ATIC: variants seen among roughly 807,000 people sequenced by gnomAD.
The protein encoded by ATIC is bifunctional purine biosynthesis protein ATIC.
A neutral mutation model predicts 72.5 loss-of-function variants in ATIC; 64 were observed. The ratio of observed to expected loss-of-function variants is 0.88; its 90% CI spans 0.72 to 1.09. The LOEUF is 1.09. Among genes scored for constraint, ATIC ranks in the 50% least tolerant of loss-of-function variants. ATIC has a pLI of 0.00. For synonymous variants in ATIC, 281 were observed against 267.1 expected (o/e 1.05, Z -0.51); for missense variants, 787 against 732.4 (o/e 1.07, Z -0.86).
the ATIC span, among the ~76,000 whole-genome samples, chr2:215,357,815 A>G: frequency 6.0e-5 from 9 of 149,354 alleles, no homozygotes; most frequent in East Asian, 1.7e-3. Flanking sequence ...TAATCTTTAA[A>G]TGTTTCCAAA....
chr2:215,364,981 C>T, the ATIC span: 2 of 1,566,532 alleles, frequency 1.3e-6, no homozygotes, highest in African/African-American at 1.3e-5. Context: ...AACACGTTGC[C>T]TCATCTGCAT....
chr2:215,323,365 T>C (rs2052790594), intron 4 of ATIC, among the ~76,000 whole-genome samples: 1 of 152,162 alleles, frequency 6.6e-6, no homozygotes, highest in African/African-American at 2.4e-5. Flanking sequence ...TTTTCATAGG[T>C]ATTGTGTTGA....
At chr2:215,352,144 A>T (rs1448577777), downstream of ATIC, among the ~76,000 whole-genome samples, 1 of 152,188 alleles carries the variant, frequency 6.6e-6, no homozygotes, top group Non-Finnish European at 1.5e-5. Context: ...CATTAGGTAA[A>T]AACTAAGAAA....
At chr2:215,367,231 T>C in the ATIC span, among the ~76,000 whole-genome samples, 1 of 152,194 alleles carries the variant, frequency 6.6e-6, no homozygotes, top group African/African-American at 2.4e-5. Context: ...ATAATAGATA[T>C]TTCCTAGGCA....
chr2:215,332,143 TGTGTGTGTGTG>T (rs2052901822), intron 7 of ATIC, among the ~76,000 whole-genome samples: 1 of 63,254 alleles, frequency 1.6e-5, no homozygotes, highest in Non-Finnish European at 4.0e-5. Flanking sequence ...TGTGTGTGTG[TGTGTGTGTGTG>T]TGTGTGTGTG....
chr2:215,344,319 G>T (rs1308683273), intron 12 of ATIC, among the ~76,000 whole-genome samples: 2 of 152,138 alleles, frequency 1.3e-5, no homozygotes, highest in Non-Finnish European at 2.9e-5. Context: ...TAGTGTGTAG[G>T]AGAACAGTTA....
intron 3 of ATIC, among the ~76,000 whole-genome samples, chr2:215,318,443 T>A (rs1575113424): frequency 6.6e-6 from 1 of 152,370 alleles, no homozygotes; most frequent in East Asian, 1.9e-4. Context: ...ATTGTTTTCC[T>A]CTGCTTGCTA....
At chr2:215,362,285 GTC>G in the ATIC span, 2 of 575,958 alleles carry the variant, frequency 3.5e-6, no homozygotes, top group Non-Finnish European at 6.3e-6. Flanking sequence ...ACCTACATCT[GTC>G]TCTCTATGTT....
chr2:215,364,056 C>T, the ATIC span, among the ~76,000 whole-genome samples: 1 of 152,210 alleles, frequency 6.6e-6, no homozygotes, highest in African/African-American at 2.4e-5. Context: ...TCAGCCAGTT[C>T]ATGCTTCTCT....
chr2:215,348,263 A>C (rs1415714403), intron 14 of ATIC, among the ~76,000 whole-genome samples: 1 of 152,180 alleles, frequency 6.6e-6, no homozygotes, highest in African/African-American at 2.4e-5. Flanking sequence ...ATTTAGAATA[A>C]TTTTTGTATA....
downstream of ATIC, among the ~76,000 whole-genome samples, chr2:215,354,663 C>A (rs974353502): frequency 2.0e-5 from 3 of 151,806 alleles, no homozygotes; most frequent in Admixed American, 6.6e-5. Flanking sequence ...TCTATTGAGC[C>A]CTTTATTTCA....
In ATIC at chr2:215,318,211, T is replaced by A; in HGVS notation, c.201T>A (p.Thr67=). ...AAATGTTGGGGGGACGTGTGAAAAC[T>A]TTGCATCCTGCAGTCCATGCTGGTA... ...FPEMLGGRVK[T]LHPAVHAGIL... The change falls in exon 3 of 16, where the codon ACT becomes ACA. Residue 67 remains threonine (T), a synonymous_variant. Transcript: ENST00000236959. 1 of 1,614,116 alleles carries A rather than the reference T, an allele frequency of 6.2e-7. No individual in the cohort carries two copies. Among genetic ancestry groups the A allele is most frequent in the Non-Finnish European group, 8.5e-7 (1 of 1,179,980 alleles).
chr2:215,349,708 C>T lies in ATIC; in HGVS notation c.*53C>T. ...CTTATGTGTAGGTGAACAGTCACGCCTGAAACTTTGAGGATAACTTTTTAA... is the reference window on the plus strand; with the variant it reads ...CTTATGTGTAGGTGAACAGTCACGCTTGAAACTTTGAGGATAACTTTTTAA... On this transcript the variant is annotated 3_prime_UTR_variant, in exon 16 of 16. Coordinates refer to ENST00000236959, the MANE Select transcript of ATIC (RefSeq NM_004044.7). 6.2e-7 allele frequency: 1 copy of T among 1,613,758 alleles called. No individual in the cohort carries two copies. The highest frequency in any genetic ancestry group is 8.5e-7 in the Non-Finnish European group (1 of 1,179,694).
At position 215,338,954 on chromosome 2, in the gene ATIC, C is replaced by G. The variant is rs748000114; in HGVS notation, c.1227+47C>G. The G allele has an allele frequency of 6.8e-6, 11 of 1,607,376 alleles. No individual in the cohort carries two copies. In the East Asian group the frequency reaches 2.5e-4, roughly 36 times the overall value. On this transcript the variant is annotated intron_variant, in intron 12 of 15. Transcript: ENST00000236959. ...CTGACTGCTAGTAACTTCCATTGGT[C>G]TGTTTTCAATACTTAATGAGCTTTA...
chr2:215,349,618 T>A lies in ATIC; in HGVS notation c.1742T>A (p.Ile581Asn), dbSNP rs777774212. Reference protein sequence around the residue: ...VIEACDELGIILAHTNLRLFH... With the variant: ...VIEACDELGINLAHTNLRLFH... ...GAGGCCTGCGACGAACTGGGAATCA[T>A]CCTCGCTCATACGAACCTTCGGCTC... The change falls in exon 16 of 16, where the codon ATC (isoleucine) becomes AAC (asparagine). Residue 581 changes from isoleucine (I) to asparagine (N), a missense_variant. By Grantham distance (149) the Ile-to-Asn change is moderately radical. Coordinates refer to ENST00000236959, the MANE Select transcript of ATIC (RefSeq NM_004044.7). 1 of 1,614,164 alleles carries A rather than the reference T, an allele frequency of 6.2e-7. No individual in the cohort carries two copies. Among genetic ancestry groups the A allele is most frequent in the Non-Finnish European group, 8.5e-7 (1 of 1,180,034 alleles).
At chr2:215,312,809 C>A (rs1257241775) in intron 2 of ATIC, among the ~76,000 whole-genome samples, 185 bp downstream of exon 2, 1 of 152,100 alleles carries the variant, frequency 6.6e-6, no homozygotes, top group African/African-American at 2.4e-5. Context: ...ACTTTTAAGA[C>A]CCTGGACGGC....
chr2:215,322,584 G>T (rs1424869935), intron 4 of ATIC, among the ~76,000 whole-genome samples: 1 of 151,910 alleles, frequency 6.6e-6, no homozygotes, highest in East Asian at 1.9e-4. Flanking sequence ...CACCTGCCTC[G>T]GTCTCCCAAA....
the ATIC span, among the ~76,000 whole-genome samples, chr2:215,357,632 G>A: frequency 6.6e-6 from 1 of 152,130 alleles, no homozygotes; most frequent in Admixed American, 6.5e-5. Context: ...TTCTTCATTT[G>A]TAATTTATAT....
intron 7 of ATIC, 40 bp downstream of exon 7, chr2:215,327,018 G>A: frequency 6.2e-7 from 1 of 1,613,538 alleles, no homozygotes; most frequent in Non-Finnish European, 8.5e-7. Flanking sequence ...TGCTGTGCCT[G>A]GAGAGTGTGT....
Sources: allele counts gnomAD v4.1 joint callset (sites outside exome capture counted in the v4.1 genomes callset), GRCh38; gene constraint gnomAD v4.1.1; transcripts MANE v1.5; gene names NCBI Gene and HGNC (gene_info 2026-07-23, HGNC 2026-07-21).